Variants in GYS1 observed in about 807,000 individuals in gnomAD.
GYS1 encodes the protein glycogen [starch] synthase, muscle.
Under a neutral mutation model 89.1 loss-of-function variants are expected in GYS1, and 60 were observed. That is an observed-to-expected ratio of 0.67 (90% CI 0.55 to 0.84). The LOEUF (loss-of-function observed/expected upper bound fraction) is 0.84. Among genes scored for constraint, GYS1 ranks in the 40% least tolerant of loss-of-function variants. GYS1 has a pLI of 0.00. For missense variants in GYS1, 888 were observed against 1,003.1 expected (o/e 0.89, Z 1.55); for synonymous variants, 366 against 401.7 (o/e 0.91, Z 1.06).
rs552173975 is a variant in GYS1 at position 48,981,273 on chromosome 19, C to T, written c.1169+257G>A. On this transcript the variant is annotated intron_variant, in intron 8 of 15. Coordinates refer to ENST00000323798, the MANE Select transcript of GYS1 (RefSeq NM_002103.5). ...ACTGAAAATACAAAAATTAGCCAGG[C>T]ATGGTGGTGTGCACCTGTAGTCCCA... Among the ~76,000 whole-genome samples the T allele has an allele frequency of 1.2e-3, 181 of 149,998 alleles. 2 individuals are homozygous for T. The highest frequency in any genetic ancestry group is 4.3e-3 in the African/African-American group (173 of 40,606).
chr19:48,970,717 G>A lies in GYS1; in HGVS notation c.1646-8C>T, dbSNP rs1219310490. The stretch of plus-strand genomic sequence containing the variant: ...GGTCAAGAATGTAGATACCTGTGGA[G>A]GCCAGGACCCAGGTTCAGAAAACAT... On this transcript the variant is annotated splice_polypyrimidine_tract_variant and splice_region_variant and intron_variant, in intron 13 of 15. Transcript: ENST00000323798. 1.9e-6 allele frequency: 3 copies of A among 1,613,246 alleles called. No individual in the cohort carries two copies. The highest frequency in any genetic ancestry group is 2.5e-6 in the Non-Finnish European group (3 of 1,179,580).
chr19:48,976,816 G>GTGCAGTGGCATAATCATAGCTCAC, intron 10 of GYS1, among the ~76,000 whole-genome samples: 2 of 151,936 alleles, frequency 1.3e-5, no homozygotes, highest in African/African-American at 4.8e-5. Flanking sequence ...CCAGTCTGGA[G>GTGCAGTGGCATAATCATAGCTCAC]TGCAGTGGCA....
intron 8 of GYS1, among the ~76,000 whole-genome samples, chr19:48,981,172 T>C (rs1397917759): frequency 1.3e-5 from 2 of 150,066 alleles, no homozygotes; most frequent in Non-Finnish European, 3.0e-5. Context: ...TCCAGCACTT[T>C]GGGAGGCTGA....
rs1394334130 is a variant in GYS1, at chr19:48,968,404, G to A, written c.*884C>T. The A allele has an allele frequency of 2.2e-6, 1 of 454,418 alleles. No homozygotes were observed. The highest frequency in any genetic ancestry group is 4.4e-6 in the Non-Finnish European group (1 of 226,804). The allele number at this position is 454,418 out of a possible 1,614,324, so 28.1% of individuals were successfully genotyped here. On this transcript the variant is annotated 3_prime_UTR_variant, in exon 16 of 16. Coordinates refer to ENST00000323798, the MANE Select transcript of GYS1 (RefSeq NM_002103.5). Reference sequence around the variant, plus strand: ...ACGTGGTAAGGTTCCAGATCTAGAAGCCAGGACCTAGAACCTAGTGGTTTC... The same window carrying A: ...ACGTGGTAAGGTTCCAGATCTAGAAACCAGGACCTAGAACCTAGTGGTTTC...
At chr19:48,990,002 G>T (rs1286751408) in intron 2 of GYS1, among the ~76,000 whole-genome samples, 4 of 146,426 alleles carry the variant, frequency 2.7e-5, no homozygotes, top group South Asian at 2.2e-4. Context: ...TTTTGCTGGG[G>T]GGGGGGGGGG....
chr19:48,985,981 A>C lies in GYS1; in HGVS notation c.547T>G (p.Leu183Val). The change falls in exon 4 of 16, where the codon TTG becomes GTG. Residue 183 changes from leucine to valine, a missense_variant. Physicochemically the swap from Leu to Val is conservative, Grantham distance 32 (BLOSUM62 1). Coordinates refer to ENST00000323798, the MANE Select transcript of GYS1 (RefSeq NM_002103.5). Reference sequence around the variant, plus strand: ...CACAGGCAGAGTCCAACGCCTGCCAACCACTCATGGAAGTGAGCAACCACA... The same window carrying C: ...CACAGGCAGAGTCCAACGCCTGCCACCCACTCATGGAAGTGAGCAACCACA... ...PHVVAHFHEWLAGVGLCLCRA... is the reference protein window; with the variant it reads ...PHVVAHFHEWVAGVGLCLCRA... 1 of 1,614,220 alleles carries C rather than the reference A, an allele frequency of 6.2e-7. No individual in the cohort carries two copies. The highest frequency in any genetic ancestry group is 8.5e-7 in the Non-Finnish European group (1 of 1,180,044).
chr19:48,986,489 CTTTT>C (rs569019323), intron 3 of GYS1, among the ~76,000 whole-genome samples: 1 of 142,360 alleles, frequency 7.0e-6, no homozygotes, highest in Non-Finnish European at 1.5e-5. Flanking sequence ...AATTAAGCTT[CTTTT>C]TTTTTTTTTC....
At chr19:48,975,911 C>CAAAAAAAAAAAA (rs760164673) in intron 10 of GYS1, among the ~76,000 whole-genome samples, 4 of 41,340 alleles carry the variant, frequency 9.7e-5, no homozygotes, top group African/African-American at 1.8e-4. Context: ...GACTCCGTCT[C>CAAAAAAAAAAAA]AAAAAAAAAA....
chr19:48,990,309 CCCT>C (rs534659871), intron 2 of GYS1, among the ~76,000 whole-genome samples: 107 of 150,272 alleles, frequency 7.1e-4, no homozygotes, highest in African/African-American at 2.5e-3. Context: ...CTGGAACTCC[CCCT>C]CCTCTCTAAT....
chr19:48,981,614 A>G lies in GYS1; in HGVS notation c.1085T>C (p.Val362Ala). 2 of 1,612,414 alleles carry G rather than the reference A, an allele frequency of 1.2e-6. No individual in the cohort carries two copies. The highest frequency in any genetic ancestry group is 2.7e-5 in the African/African-American group (2 of 74,980). ...CGCTGGCATGATGAAGAAGGCAACC[A>G]CTGTCTGCTCGCTGCCGTTCACCTG... ...LLRVNGSEQT[V>A]VAFFIMPART... Residue 362 changes from valine (V) to alanine (A), a missense_variant, in exon 8 of 16, where the codon GTG becomes GCG. Physicochemically the swap from Val to Ala is moderately conservative, Grantham distance 64. Transcript: ENST00000323798.
intron 5 of GYS1, among the ~76,000 whole-genome samples, chr19:48,984,844 G>A (rs1447830528): frequency 6.6e-6 from 1 of 151,856 alleles, no homozygotes; most frequent in Non-Finnish European, 1.5e-5. Context: ...TAGCGCCACT[G>A]CACTCCAGCC....
intron 8 of GYS1, among the ~76,000 whole-genome samples, chr19:48,978,728 C>T (rs1326950495): frequency 6.6e-6 from 1 of 151,948 alleles, no homozygotes; most frequent in Admixed American, 6.6e-5. Flanking sequence ...GACGGGGTTT[C>T]ACCACGTTGG....
chr19:48,984,389 C>A (rs998738633), intron 5 of GYS1, among the ~76,000 whole-genome samples: 13 of 117,070 alleles, frequency 1.1e-4, no homozygotes, highest in African/African-American at 5.4e-4. Flanking sequence ...ATGAGATATT[C>A]AACACTTTTT....
At position 48,968,680 on chromosome 19, in the gene GYS1, TG is replaced by T; in HGVS notation, c.*607del. 2.2e-6 allele frequency: 1 copy of T among 454,124 alleles called. No individual in the cohort carries two copies. Among genetic ancestry groups the T allele is most frequent in the Non-Finnish European group, 4.4e-6 (1 of 226,796 alleles). 28.1% of individuals were successfully genotyped at this position (454,124 alleles called of 1,614,324 possible). Reference sequence around the variant, plus strand: ...AGTGTAGGGGATGACAGGAGCCGGATGGAGGGATCCTCCAGGCAGAGCCTGG... The same window carrying T: ...AGTGTAGGGGATGACAGGAGCCGGATGAGGGATCCTCCAGGCAGAGCCTGG... On this transcript the variant is annotated 3_prime_UTR_variant, in exon 16 of 16. Transcript: ENST00000323798.
At chr19:48,985,027 C>G (rs1190167444) in intron 5 of GYS1, among the ~76,000 whole-genome samples, 3 of 152,140 alleles carry the variant, frequency 2.0e-5, no homozygotes, top group African/African-American at 7.2e-5. Flanking sequence ...GTATTAAATG[C>G]ATTTTTTTAT....
chr19:48,987,786 G>A (rs990757236), intron 2 of GYS1, among the ~76,000 whole-genome samples: 11 of 151,574 alleles, frequency 7.3e-5, no homozygotes, highest in African/African-American at 2.2e-4. Context: ...ACAGGCACCC[G>A]CTCCCACACC....
rs199704030 is a variant in GYS1 at position 48,985,820 on chromosome 19, A to T, written c.678+30T>A. On this transcript the variant is annotated intron_variant, in intron 4 of 15. Coordinates refer to ENST00000323798, the MANE Select transcript of GYS1 (RefSeq NM_002103.5). ...CTTTGGGTTTTCCTGGCATACTCGCAGTCCCCCATCTGCCACGGTCCCAGC... is the reference window on the plus strand; with the variant it reads ...CTTTGGGTTTTCCTGGCATACTCGCTGTCCCCCATCTGCCACGGTCCCAGC... The T allele has an allele frequency of 3.1e-6, 5 of 1,609,468 alleles. No homozygotes were observed. The African/African-American group carries it at 4.0e-5, about 13-fold the overall frequency.
chr19:48,985,939 G>A lies in GYS1; in HGVS notation c.589C>T (p.Pro197Ser). 3 of 1,614,168 alleles carry A rather than the reference G, an allele frequency of 1.9e-6. No homozygotes were observed. Among genetic ancestry groups the A allele is most frequent in the Non-Finnish European group, 2.5e-6 (3 of 1,180,024 alleles). Residue 197 changes from proline (P) to serine (S), a missense_variant, in exon 4 of 16, where the codon CCT becomes TCT. By Grantham distance (74) the Pro-to-Ser change is moderately conservative (BLOSUM62 -1). Transcript: ENST00000323798. ...TGGGTGGTGAAGATGGTTGCTACAG[G>A]CAGTCGCCGGGCACGACACAGGCAG... is the stretch of plus-strand genomic sequence containing the variant. ...GLCLCRARRLPVATIFTTHAT... is the reference protein window; with the variant it reads ...GLCLCRARRLSVATIFTTHAT...
Position 48,993,294 on chromosome 19 carries a change from A to C in GYS1, c.-182T>G, listed in dbSNP as rs2287755. On this transcript the variant is annotated 5_prime_UTR_variant, in exon 1 of 16. Transcript: ENST00000323798. ...GAAGCGTTGGGACCTAGGCAGAAGGAGGCCGCAGCGTCACTGAGCCCACTG... is the reference window on the plus strand; with the variant it reads ...GAAGCGTTGGGACCTAGGCAGAAGGCGGCCGCAGCGTCACTGAGCCCACTG... 54,566 of 672,784 alleles carry C rather than the reference A, an allele frequency of 0.081. 2,571 individuals are homozygous for C. Among genetic ancestry groups the C allele is most frequent in the Admixed American group, 0.13 (6,444 of 48,662 alleles). The allele number at this position is 672,784 out of a possible 1,614,324, so 41.7% of individuals were successfully genotyped here. A position where few individuals can be genotyped will look rare whatever the true frequency, so the allele number is the denominator to read the frequency against.
Sources: allele counts gnomAD v4.1 joint callset (sites outside exome capture counted in the v4.1 genomes callset), GRCh38; gene constraint gnomAD v4.1.1; transcripts MANE v1.5; gene names NCBI Gene and HGNC (gene_info 2026-07-23, HGNC 2026-07-21).